TECPR2: variants seen among roughly 807,000 people sequenced by gnomAD.
TECPR2 encodes tectonin beta-propeller repeat-containing protein 2.
Under a neutral mutation model 138.1 loss-of-function variants are expected in TECPR2, and 65 were observed. The observed-to-expected ratio is 0.47, with a 90% CI of 0.39 to 0.58. The LOEUF (loss-of-function observed/expected upper bound fraction) is 0.58, where lower values mean the gene tolerates loss of function less well. Among genes scored for constraint, TECPR2 ranks in the 20% least tolerant of loss-of-function variants. The pLI is 0.00. For synonymous variants in TECPR2, 746 were observed against 749.8 expected, an observed-to-expected ratio of 0.99 and a Z score of 0.08; for missense variants, 1,553 against 1,824.5, an observed-to-expected ratio of 0.85 and a Z score of 2.71.
intron 8 of TECPR2, 38 bp downstream of exon 8, chr14:102,432,166 C>T: frequency 3.4e-6 from 5 of 1,456,088 alleles, no homozygotes; most frequent in South Asian, 1.4e-5. Flanking sequence ...TCTGGGGTTA[C>T]AGTCTTTCCA....
intron 17 of TECPR2, among the ~76,000 whole-genome samples, chr14:102,479,627 A>G (rs931386534): frequency 2.6e-5 from 4 of 152,074 alleles, no homozygotes; most frequent in African/African-American, 9.7e-5. Flanking sequence ...TGAGATTGGG[A>G]TGGAGTGGAC....
At chr14:102,410,471 A>G (rs1247843219) in intron 4 of TECPR2, among the ~76,000 whole-genome samples, 1 of 136,310 alleles carries the variant, frequency 7.3e-6, no homozygotes, top group African/African-American at 2.8e-5. Flanking sequence ...AAAATAAATT[A>G]AAAAAAAAAA....
chr14:102,377,847 C>G (rs1039682996), intron 2 of TECPR2, among the ~76,000 whole-genome samples: 2 of 152,198 alleles, frequency 1.3e-5, no homozygotes, highest in African/African-American at 2.4e-5. Context: ...ATCTCTAGTT[C>G]TTCTCTTGAA....
intron 7 of TECPR2, 121 bp downstream of exon 7, chr14:102,428,503 G>A: frequency 1.4e-6 from 2 of 1,463,800 alleles, no homozygotes; most frequent in Middle Eastern, 2.4e-4. Flanking sequence ...GCTCACGCCT[G>A]TAATCCCAGC....
At chr14:102,366,221 G>A (rs77297619) in intron 1 of TECPR2, among the ~76,000 whole-genome samples, 1,589 of 152,298 alleles carry the variant, frequency 0.01, 30 homozygotes, top group African/African-American at 0.036. Flanking sequence ...ACCTTCCAGG[G>A]TTATGAGATT....
At chr14:102,445,492 A>G (rs528329879) in intron 12 of TECPR2, among the ~76,000 whole-genome samples, 11 of 151,726 alleles carry the variant, frequency 7.2e-5, no homozygotes, top group Admixed American at 4.6e-4. Flanking sequence ...AGAGAGATGG[A>G]GGCGCTCAGG....
chr14:102,481,998 T>C (rs1890903597), intron 17 of TECPR2, among the ~76,000 whole-genome samples: 1 of 152,124 alleles, frequency 6.6e-6, no homozygotes, highest in African/African-American at 2.4e-5. Context: ...CTTGTCTGTG[T>C]GACTCTTTGT....
At chr14:102,411,899 C>T (rs1183850878) in intron 4 of TECPR2, among the ~76,000 whole-genome samples, 1 of 151,772 alleles carries the variant, frequency 6.6e-6, no homozygotes, top group African/African-American at 2.4e-5. Flanking sequence ...ATATGACTAC[C>T]TCATAAAGCA....
In TECPR2 at chr14:102,376,823, C is replaced by T. The variant is rs1887650705; in HGVS notation, c.102C>T (p.Ile34=). 3.1e-6 allele frequency: 5 copies of T among 1,614,076 alleles called. No individual in the cohort carries two copies. The highest frequency in any genetic ancestry group is 2.2e-5 in the South Asian group (2 of 91,088). ...PTKIQKGFRS[I]VVYLTALDTN... is the part of the protein sequence containing the mutation. ...AGATCCAGAAGGGTTTCCGCTCTAT[C>T]GTGGTCTATCTCACGGCCCTCGACA... Residue 34 remains isoleucine, a synonymous_variant, in exon 2 of 20, where the codon ATC becomes ATT. Coordinates refer to ENST00000359520, the MANE Select transcript of TECPR2 (RefSeq NM_014844.5).
At chr14:102,483,490 G>A (rs1333122391) in intron 17 of TECPR2, among the ~76,000 whole-genome samples, 1 of 151,940 alleles carries the variant, frequency 6.6e-6, no homozygotes, top group African/African-American at 2.4e-5. Context: ...CACCCAGGCT[G>A]GAGCACAATG....
At chr14:102,463,159 A>G (rs4906204) in intron 16 of TECPR2, among the ~76,000 whole-genome samples, 39,845 of 152,034 alleles carry the variant, frequency 0.26, 5,813 homozygotes, top group Middle Eastern at 0.4. Context: ...AGTGGCTCAC[A>G]CCTGTAATCC....
At chr14:102,424,876 C>T in intron 5 of TECPR2, 103 bp from the exon 6 acceptor site, 1 of 1,190,558 alleles carries the variant, frequency 8.4e-7, no homozygotes, top group East Asian at 2.4e-5. Flanking sequence ...ATTGTCTTAG[C>T]CAAAAAATTC....
chr14:102,414,599 G>A (rs762807979), intron 4 of TECPR2, 37 bp from the exon 5 acceptor site: 70 of 1,610,706 alleles, frequency 4.3e-5, no homozygotes, highest in Non-Finnish European at 5.8e-5. Flanking sequence ...CTTTAGCCTG[G>A]CGCTGATGTG....
At chr14:102,385,137 A>G (rs1290411884) in intron 2 of TECPR2, among the ~76,000 whole-genome samples, 2 of 152,062 alleles carry the variant, frequency 1.3e-5, no homozygotes, top group African/African-American at 2.4e-5. Flanking sequence ...AATTACAGGC[A>G]TGAGCCACGG....
chr14:102,455,589 A>C (rs1213787851), intron 16 of TECPR2, among the ~76,000 whole-genome samples: 1 of 152,092 alleles, frequency 6.6e-6, no homozygotes, highest in Non-Finnish European at 1.5e-5. Flanking sequence ...CTGGGACCAC[A>C]GACATGTGCC....
At chr14:102,451,908 A>AC (rs1324710132) in intron 15 of TECPR2, among the ~76,000 whole-genome samples, 1 of 150,650 alleles carries the variant, frequency 6.6e-6, no homozygotes, top group Non-Finnish European at 1.5e-5. Context: ...CAGCTGCCCC[A>AC]CCCCCCGGCC....
At chr14:102,376,178 C>CT (rs1240729122) in intron 1 of TECPR2, among the ~76,000 whole-genome samples, 1 of 152,164 alleles carries the variant, frequency 6.6e-6, no homozygotes, top group Non-Finnish European at 1.5e-5. Flanking sequence ...AATAGAGTGT[C>CT]TTTCCTGTTT....
chr14:102,430,040 C>T (rs1889424935), intron 7 of TECPR2, among the ~76,000 whole-genome samples: 1 of 152,042 alleles, frequency 6.6e-6, no homozygotes, highest in African/African-American at 2.4e-5. Context: ...AGTCTCTGGT[C>T]ACTGCAACCT....
intron 17 of TECPR2, among the ~76,000 whole-genome samples, chr14:102,469,199 A>G (rs921221608): frequency 4.6e-5 from 7 of 152,218 alleles, no homozygotes; most frequent in Non-Finnish European, 7.3e-5. Flanking sequence ...AAAATCTTCC[A>G]GTCTGTGAAC....
Sources: allele counts gnomAD v4.1 joint callset (sites outside exome capture counted in the v4.1 genomes callset), GRCh38; gene constraint gnomAD v4.1.1; transcripts MANE v1.5; gene names NCBI Gene and HGNC (gene_info 2026-07-23, HGNC 2026-07-21).